SNRPN: variants seen among roughly 807,000 people sequenced by gnomAD.
The protein encoded by SNRPN is small nuclear ribonucleoprotein-associated protein N.
In SNRPN, 7 loss-of-function variants were observed where a neutral mutation model predicts 25.2. That is an observed-to-expected ratio of 0.28 (90% CI 0.16 to 0.52). The LOEUF is 0.52. Among genes scored for constraint, SNRPN ranks in the 20% least tolerant of loss-of-function variants. The pLI, the probability that SNRPN is intolerant of heterozygous loss-of-function variation, is 0.96. For missense variants in SNRPN, 196 were observed against 322.5 expected, an observed-to-expected ratio of 0.61 and a Z score of 3.00; for synonymous variants, 124 against 110.6, an observed-to-expected ratio of 1.12 and a Z score of -0.76.
intron 1 of SNRPN, among the ~76,000 whole-genome samples, chr15:24,956,007 C>T (rs900271406): frequency 3.3e-5 from 5 of 152,042 alleles, no homozygotes; most frequent in Non-Finnish European, 7.4e-5. Context: ...TCTGGTTTGC[C>T]TACTGTGGTG....
intron 3 of SNRPN, among the ~76,000 whole-genome samples, chr15:24,944,298 C>A (rs1300180904): frequency 6.6e-6 from 1 of 152,200 alleles, no homozygotes; most frequent in Non-Finnish European, 1.5e-5. Flanking sequence ...TTTCCCCCTA[C>A]TTTGTTCAGT....
rs1263373366 is a variant in SNRPN, at chr15:24,918,546, G to A, written c.-504-1465G>A. On this transcript the variant is annotated intron_variant, in intron 2 of 11. Coordinates refer to the SNRPN transcript ENST00000400097. The stretch of plus-strand genomic sequence containing the variant: ...TGTGTATATATAACATAATATATAT[G>A]TGTGTATATATAACATAATATATAT... 3.6e-3 allele frequency among the ~76,000 whole-genome samples: 314 copies of A among 86,498 alleles called. 2 individuals carry two copies. Among genetic ancestry groups the A allele is most frequent in the Middle Eastern group, 8.1e-3 (1 of 124 alleles). The allele number at this position is 86,498 out of a possible 152,430, so 56.7% of individuals were successfully genotyped here. A position where few individuals can be genotyped will look rare whatever the true frequency, so the allele number is the denominator to read the frequency against.
chr15:24,957,145 T>G (rs1385386788), intron 1 of SNRPN, among the ~76,000 whole-genome samples: 1 of 152,206 alleles, frequency 6.6e-6, no homozygotes, highest in Non-Finnish European at 1.5e-5. Flanking sequence ...AATGTCACCA[T>G]TTAAGATTCA....
At chr15:24,904,980 G>A (rs997424600) in intron 2 of SNRPN, among the ~76,000 whole-genome samples, 28 of 149,476 alleles carry the variant, frequency 1.9e-4, no homozygotes, top group African/African-American at 6.9e-4. Context: ...GGGCGTGGTG[G>A]CATGTGCCTG....
intron 2 of SNRPN, among the ~76,000 whole-genome samples, chr15:24,901,595 C>T (rs2151481957): frequency 6.6e-6 from 1 of 152,242 alleles, no homozygotes; most frequent in Non-Finnish European, 1.5e-5. Context: ...ATTGTTGCCA[C>T]TCTGTGCATG....
intron 3 of SNRPN, among the ~76,000 whole-genome samples, chr15:24,930,210 CAA>C (rs10554147): frequency 0.3 from 28,056 of 93,412 alleles, 2,821 homozygotes; most frequent in South Asian, 0.4. Flanking sequence ...CACCACAGTC[CAA>C]AAAAAAAAAA....
intron 3 of SNRPN, among the ~76,000 whole-genome samples, chr15:24,969,952 C>T (rs1460401649): frequency 6.6e-6 from 1 of 152,112 alleles, no homozygotes; most frequent in African/African-American, 2.4e-5. Flanking sequence ...CAGGCAAAGC[C>T]TAAAATACTT....
At chr15:24,939,906 C>T (rs1458838904) in intron 3 of SNRPN, among the ~76,000 whole-genome samples, 1 of 151,864 alleles carries the variant, frequency 6.6e-6, no homozygotes, top group African/African-American at 2.4e-5. Context: ...TCTCTTGCTT[C>T]AGCCTCACAA....
Position 24,837,616 on chromosome 15 carries a change from G to T in SNRPN, c.-579+7711G>T, listed in dbSNP as rs532829749. On this transcript the variant is annotated intron_variant, in intron 2 of 12. Coordinates refer to the SNRPN transcript ENST00000400100. ...GATCTCCTGACTTCGTGATCCACCC[G>T]CCTCGGCCACCCAAAGTGCTGGGAT... Among the ~76,000 whole-genome samples the T allele has an allele frequency of 1.0e-3, 153 of 151,998 alleles. 1 individual carries two copies. Among genetic ancestry groups the T allele is most frequent in the African/African-American group, 3.6e-3 (149 of 41,406 alleles).
chr15:24,971,106 T>C (rs550453704), intron 3 of SNRPN, among the ~76,000 whole-genome samples: 22 of 152,214 alleles, frequency 1.4e-4, no homozygotes, highest in Admixed American at 1.4e-3. Flanking sequence ...ATTTTACTTT[T>C]GAATTAAAGT....
At chr15:24,857,563 T>A (rs2053525471) in intron 1 of SNRPN, among the ~76,000 whole-genome samples, 2 of 140,156 alleles carry the variant, frequency 1.4e-5, no homozygotes, top group African/African-American at 2.7e-5. Flanking sequence ...TTTTTTAAGT[T>A]TTCATGCTTG....
intron 2 of SNRPN, among the ~76,000 whole-genome samples, chr15:24,842,209 A>C (rs2051769127): frequency 6.6e-6 from 1 of 152,006 alleles, no homozygotes. Context: ...CAGGTTCACC[A>C]ATTACCAATC....
At chr15:24,845,028 G>C (rs1377379473) in intron 2 of SNRPN, among the ~76,000 whole-genome samples, 1 of 152,034 alleles carries the variant, frequency 6.6e-6, no homozygotes, top group African/African-American at 2.4e-5. Flanking sequence ...TTTGGCATAT[G>C]AATGCTCTGT....
chr15:24,876,847 C>CA (rs984385650), intron 1 of SNRPN, among the ~76,000 whole-genome samples: 64 of 151,430 alleles, frequency 4.2e-4, no homozygotes, highest in African/African-American at 1.2e-3. Context: ...GTATAGAATG[C>CA]AAAAAAAATT....
chr15:24,964,839 C>T (rs544856732), intron 2 of SNRPN, among the ~76,000 whole-genome samples: 4 of 152,070 alleles, frequency 2.6e-5, no homozygotes, highest in East Asian at 1.9e-4. Context: ...TGTGGGATGA[C>T]GTTAGCCTTC....
chr15:24,914,823 A>G (rs1251233665), intron 2 of SNRPN, among the ~76,000 whole-genome samples: 1 of 152,156 alleles, frequency 6.6e-6, no homozygotes, highest in Admixed American at 6.5e-5. Context: ...TGATAGATAC[A>G]GGGACCAATG....
At chr15:24,860,356 G>A (rs1357156384) in intron 1 of SNRPN, among the ~76,000 whole-genome samples, 3 of 152,202 alleles carry the variant, frequency 2.0e-5, no homozygotes, top group Admixed American at 2.0e-4. Flanking sequence ...GAAGAAAAGA[G>A]ATAAGGTGAT....
At chr15:24,944,238 C>T (rs1217526365) in intron 3 of SNRPN, among the ~76,000 whole-genome samples, 1 of 152,152 alleles carries the variant, frequency 6.6e-6, no homozygotes, top group Non-Finnish European at 1.5e-5. Flanking sequence ...TACAGCTTTT[C>T]AGGTCATTAA....
intron 1 of SNRPN, among the ~76,000 whole-genome samples, chr15:24,882,383 G>T (rs1357181756): frequency 6.6e-6 from 1 of 152,136 alleles, no homozygotes; most frequent in African/African-American, 2.4e-5. Flanking sequence ...ATTTTAGCAA[G>T]CATGATTTTT....
Sources: gnomAD v4.1 joint callset for allele counts (sites outside exome capture counted in the v4.1 genomes callset) on GRCh38, gnomAD v4.1.1 for gene constraint, MANE v1.5 for transcripts, NCBI Gene and HGNC (gene_info 2026-07-23, HGNC 2026-07-21) for gene names.